GHR: variants seen among roughly 807,000 people sequenced by gnomAD.
GHR encodes growth hormone receptor, also known as GH receptor.
Under a neutral mutation model 67.1 loss-of-function variants are expected in GHR, and 35 were observed. That is an observed-to-expected ratio of 0.52 (90% CI 0.40 to 0.69). The LOEUF is 0.69. Ranked by LOEUF, GHR falls within the 30% of genes least tolerant of loss-of-function variation. The probability of loss-of-function intolerance (pLI) is 0.00; values close to 1 mark genes in which losing one functional copy is unlikely to be tolerated. For synonymous variants in GHR, 272 were observed against 269.1 expected (o/e 1.01, Z -0.10); for missense variants, 792 against 764.6 (o/e 1.04, Z -0.42).
intron 1 of GHR, among the ~76,000 whole-genome samples, chr5:42,441,472 G>T (rs189129638): frequency 6.6e-6 from 1 of 151,958 alleles, no homozygotes; most frequent in African/African-American, 2.4e-5. Context: ...AAACAAAAAG[G>T]ATAAGGCTTT....
At chr5:42,432,815 T>C (rs1301658406) in intron 1 of GHR, among the ~76,000 whole-genome samples, 1 of 152,236 alleles carries the variant, frequency 6.6e-6, no homozygotes, top group Non-Finnish European at 1.5e-5. Context: ...ATTCTTTCAA[T>C]GTAGCACCTT....
chr5:42,595,504 G>A (rs1272960309), intron 2 of GHR, among the ~76,000 whole-genome samples: 1 of 151,984 alleles, frequency 6.6e-6, no homozygotes, highest in Non-Finnish European at 1.5e-5. Context: ...GATTTTCCCT[G>A]GCATTATCTT....
At position 42,689,017 on chromosome 5, in the gene GHR, A is replaced by C; in HGVS notation, c.264A>C (p.Arg88Ser). ...GACCCATACAGCTGTTCTATACCAG[A>C]AGGTGCCACCATCATGCCTTTCTGA... ...NLGPIQLFYT[R>S]RNTQEWTQEW... The change falls in exon 4 of 10, where the codon AGA becomes AGC. Residue 88 changes from arginine (R) to serine (S), a missense_variant and splice_region_variant. Transcript: ENST00000230882. 6.2e-7 allele frequency: 1 copy of C among 1,613,606 alleles called. No individual in the cohort carries two copies. The highest frequency in any genetic ancestry group is 8.5e-7 in the Non-Finnish European group (1 of 1,179,522).
At chr5:42,627,809 C>T (rs1753779505) in intron 2 of GHR, among the ~76,000 whole-genome samples, 1 of 152,220 alleles carries the variant, frequency 6.6e-6, no homozygotes, top group South Asian at 2.1e-4. Flanking sequence ...GAGTGTTAAT[C>T]AGCTCAATGG....
chr5:42,707,398 CT>C (rs1365579214), intron 6 of GHR, among the ~76,000 whole-genome samples: 3 of 151,694 alleles, frequency 2.0e-5, no homozygotes, highest in Admixed American at 2.0e-4. Context: ...TGTGATGCCC[CT>C]GGGTTTATTC....
At chr5:42,447,320 A>G (rs937974232) in intron 1 of GHR, among the ~76,000 whole-genome samples, 2 of 152,008 alleles carry the variant, frequency 1.3e-5, no homozygotes, top group African/African-American at 2.4e-5. Context: ...CTGAGTTGCC[A>G]AAGTCTATTA....
At chr5:42,651,602 C>G (rs1442252887) in intron 3 of GHR, among the ~76,000 whole-genome samples, 1 of 152,184 alleles carries the variant, frequency 6.6e-6, no homozygotes, top group African/African-American at 2.4e-5. Flanking sequence ...CTCTGCTTCT[C>G]CATTTCCACT....
rs554145261 is a variant in GHR at position 42,489,477 on chromosome 5, A to C, written c.-12+65522A>C. Reference sequence around the variant, plus strand: ...CCATAATTTCTAAGTGTTAAATAAAACACATTTCTTTTTTTATTTAACACA... The same window carrying C: ...CCATAATTTCTAAGTGTTAAATAAACCACATTTCTTTTTTTATTTAACACA... On this transcript the variant is annotated intron_variant, in intron 1 of 9. Transcript: ENST00000230882. Among the ~76,000 whole-genome samples, 4 of 152,272 alleles carry C rather than the reference A, an allele frequency of 2.6e-5. No homozygotes were observed. In the East Asian group the frequency reaches 7.7e-4, roughly 29 times the overall value.
intron 1 of GHR, among the ~76,000 whole-genome samples, chr5:42,494,702 G>A (rs926656908): frequency 6.6e-6 from 1 of 152,138 alleles, no homozygotes; most frequent in Non-Finnish European, 1.5e-5. Context: ...CTTGGGTAGA[G>A]TAAACTAATC....
intron 1 of GHR, among the ~76,000 whole-genome samples, chr5:42,517,454 T>A (rs1747288421): frequency 6.6e-6 from 1 of 152,088 alleles, no homozygotes; most frequent in Admixed American, 6.5e-5. Context: ...AAGGAATGAG[T>A]ACAGTATGAA....
At chr5:42,531,128 CATG>C (rs1747947407) in intron 1 of GHR, among the ~76,000 whole-genome samples, 2 of 151,970 alleles carry the variant, frequency 1.3e-5, no homozygotes, top group South Asian at 2.1e-4. Context: ...ATTAGCCAGA[CATG>C]GTGGTGTGCG....
chr5:42,647,611 T>C (rs1227035973), intron 3 of GHR: 1 of 410,960 alleles, frequency 2.4e-6, no homozygotes, highest in East Asian at 8.0e-5. Flanking sequence ...AAAGTAACAA[T>C]GTAGGAAAAA....
intron 2 of GHR, among the ~76,000 whole-genome samples, chr5:42,612,349 T>C (rs1752931574): frequency 6.6e-6 from 1 of 152,184 alleles, no homozygotes; most frequent in South Asian, 2.1e-4. Flanking sequence ...GTTATAAGTT[T>C]AGCATTTGTA....
intron 1 of GHR, chr5:42,514,063 T>C (rs1747137333): frequency 2.1e-6 from 2 of 967,644 alleles, no homozygotes; most frequent in South Asian, 9.6e-5. Context: ...TCACCCAGAA[T>C]TTATTTTTTC....
chr5:42,476,642 C>T (rs1745336507), intron 1 of GHR, among the ~76,000 whole-genome samples: 1 of 152,216 alleles, frequency 6.6e-6, no homozygotes, highest in Non-Finnish European at 1.5e-5. Flanking sequence ...TCCTTTTCCT[C>T]TACTACTTTA....
chr5:42,428,461 G>A (rs1742949068), intron 1 of GHR, among the ~76,000 whole-genome samples: 3 of 152,150 alleles, frequency 2.0e-5, no homozygotes, highest in Non-Finnish European at 4.4e-5. Context: ...TTTCCCTATT[G>A]TCTTGGTGAC....
rs1744236997 is a variant in GHR at position 42,455,849 on chromosome 5, G to A, written c.-12+31894G>A. Among the ~76,000 whole-genome samples the A allele has an allele frequency of 2.0e-5, 3 of 152,214 alleles. No individual in the cohort carries two copies. The South Asian group carries it at 6.2e-4, about 32-fold the overall frequency. On this transcript the variant is annotated intron_variant, in intron 1 of 9. Transcript: ENST00000230882. ...GATACTAGAATTTTGTGATCAACAT[G>A]TTGGAATAAGAAGTCAGAAGACTTA...
intron 1 of GHR, chr5:42,467,373 G>A (rs927075490): frequency 2.5e-5 from 24 of 952,272 alleles, no homozygotes; most frequent in African/African-American, 6.5e-5. Flanking sequence ...TGCCAGAATC[G>A]TTACAGGCAG....
chr5:42,474,280 A>T (rs1244286018), intron 1 of GHR, among the ~76,000 whole-genome samples: 2 of 123,812 alleles, frequency 1.6e-5, no homozygotes, highest in Non-Finnish European at 3.4e-5. Context: ...AGAAAGAAAG[A>T]AAGAAAAAGA....
Sources: gnomAD v4.1 joint callset for allele counts (sites outside exome capture counted in the v4.1 genomes callset) on GRCh38, gnomAD v4.1.1 for gene constraint, MANE v1.5 for transcripts, NCBI Gene and HGNC (gene_info 2026-07-23, HGNC 2026-07-21) for gene names.